The following FGF12 variants were observed in gnomAD, a reference collection of about 807,000 sequenced individuals.
The protein encoded by FGF12 is fibroblast growth factor 12B.
In FGF12, 14 loss-of-function variants were observed where a neutral mutation model predicts 23.6. The ratio of observed to expected loss-of-function variants is 0.59; its 90% CI spans 0.39 to 0.93. The LOEUF (loss-of-function observed/expected upper bound fraction) is 0.93. Ranked by LOEUF, FGF12 falls within the 40% of genes least tolerant of loss-of-function variation. FGF12 has a pLI of 0.00. For synonymous variants in FGF12, 62 were observed against 77.3 expected (o/e 0.80, Z 1.04); for missense variants, 175 against 217.8 (o/e 0.80, Z 1.24).
intron 2 of FGF12, among the ~76,000 whole-genome samples, chr3:192,496,627 AC>A (rs1237025594): frequency 6.6e-6 from 1 of 152,086 alleles, no homozygotes; most frequent in Non-Finnish European, 1.5e-5. Context: ...CACTGTCCCC[AC>A]TACCTCACTT....
At chr3:192,370,635 G>A (rs896012887) in intron 2 of FGF12, among the ~76,000 whole-genome samples, 2 of 152,150 alleles carry the variant, frequency 1.3e-5, no homozygotes, top group African/African-American at 4.8e-5. Flanking sequence ...GGGAAAATTT[G>A]GAAGGATTTT....
intron 5 of FGF12, among the ~76,000 whole-genome samples, chr3:192,158,363 T>TTTC (rs1553844091): frequency 3.5e-4 from 38 of 108,504 alleles, no homozygotes; most frequent in Middle Eastern, 4.1e-3. Flanking sequence ...TCTTTCTTTC[T>TTTC]TTCTTTCTTT....
rs897267275 is a variant in FGF12 at position 192,409,814 on chromosome 3, C to G, written c.14-49276G>C. Among the ~76,000 whole-genome samples the G allele has an allele frequency of 6.6e-6, 1 of 152,008 alleles. No individual in the cohort carries two copies. Among genetic ancestry groups the G allele is most frequent in the Non-Finnish European group, 1.5e-5 (1 of 67,964 alleles). ...TGGGGCCGGAGGCGGAATCAGGGGC[C>G]GGGGCCAGGAGGCAGGTGCAGGCGG... On this transcript the variant is annotated intron_variant, in intron 2 of 5. Coordinates refer to ENST00000445105, the MANE Select transcript of FGF12 (RefSeq NM_004113.6). The surrounding 1 kb of genome is among the most constrained non-coding windows in gnomAD (Gnocchi z 4.8).
At chr3:192,529,017 G>T (rs1725022764) in intron 2 of FGF12, among the ~76,000 whole-genome samples, 1 of 152,126 alleles carries the variant, frequency 6.6e-6, no homozygotes, top group Non-Finnish European at 1.5e-5. Flanking sequence ...CATTGTCTTG[G>T]GGAACAGTAT....
chr3:192,727,015 G>A, intron 2 of FGF12, 166 bp downstream of exon 2: 1 of 784,032 alleles, frequency 1.3e-6, no homozygotes. Context: ...TTAAAAAGAA[G>A]TCGCCTTCCT....
At chr3:192,568,934 G>A (rs1277278025) in intron 2 of FGF12, among the ~76,000 whole-genome samples, 2 of 152,228 alleles carry the variant, frequency 1.3e-5, no homozygotes, top group East Asian at 3.9e-4. Context: ...ACTTAAGGGT[G>A]TCCTTCATAA....
At chr3:192,199,126 A>T (rs1717229661) in intron 4 of FGF12, among the ~76,000 whole-genome samples, 2 of 152,220 alleles carry the variant, frequency 1.3e-5, no homozygotes, top group Admixed American at 1.3e-4. Context: ...TGCTAACTAA[A>T]GTTGCAAATG....
At chr3:192,204,027 C>G (rs989099796) in intron 4 of FGF12, among the ~76,000 whole-genome samples, 1 of 152,076 alleles carries the variant, frequency 6.6e-6, no homozygotes, top group East Asian at 1.9e-4. Flanking sequence ...AAAAAAAAAG[C>G]AAATCTGTCC....
intron 2 of FGF12, among the ~76,000 whole-genome samples, chr3:192,598,936 A>G (rs978556345): frequency 6.6e-6 from 1 of 152,166 alleles, no homozygotes; most frequent in Admixed American, 6.6e-5. Context: ...GCAGCCATAA[A>G]AAAGGATGAG....
At chr3:192,222,762 T>C (rs1718540760) in intron 4 of FGF12, among the ~76,000 whole-genome samples, 1 of 152,164 alleles carries the variant, frequency 6.6e-6, no homozygotes, top group South Asian at 2.1e-4. Context: ...GAATGGTAAA[T>C]CTATTCCATC....
rs10049147 is a variant in FGF12 at position 192,526,256 on chromosome 3, C to T, written c.14-165718G>A. Among the ~76,000 whole-genome samples, 600 of 152,214 alleles carry T rather than the reference C, an allele frequency of 3.9e-3. 13 individuals are homozygous for T. The highest frequency in any genetic ancestry group is 0.027 in the East Asian group (141 of 5,180). On this transcript the variant is annotated intron_variant, in intron 2 of 5. Coordinates refer to ENST00000445105, the MANE Select transcript of FGF12 (RefSeq NM_004113.6). ...GGTGCCCTTCTTTGGAGCTTACCTGCGCATATTTCTTAGCACAGAACTTTC... is the reference window on the plus strand; with the variant it reads ...GGTGCCCTTCTTTGGAGCTTACCTGTGCATATTTCTTAGCACAGAACTTTC...
chr3:192,660,984 TA>T (rs137975301), intron 2 of FGF12, among the ~76,000 whole-genome samples: 1,496 of 90,796 alleles, frequency 0.016, 23 homozygotes, highest in African/African-American at 0.051. Context: ...CCTAGTTCTT[TA>T]AAAAAAAAAT....
chr3:192,492,377 TAC>T (rs367953391), intron 2 of FGF12, among the ~76,000 whole-genome samples: 1 of 151,866 alleles, frequency 6.6e-6, no homozygotes, highest in Non-Finnish European at 1.5e-5. Flanking sequence ...AAAAATGACA[TAC>T]ACACACACAC....
At chr3:192,295,610 T>A (rs1218099682) in intron 4 of FGF12, among the ~76,000 whole-genome samples, 1 of 152,216 alleles carries the variant, frequency 6.6e-6, no homozygotes, top group Non-Finnish European at 1.5e-5. Context: ...ACAGCAGGAA[T>A]CCTAATGAAA....
chr3:192,389,626 A>G (rs554824705), intron 2 of FGF12, among the ~76,000 whole-genome samples: 1 of 152,364 alleles, frequency 6.6e-6, no homozygotes, highest in South Asian at 2.1e-4. Flanking sequence ...TCTACTTAAA[A>G]TTATTTTAAA....
In FGF12 at chr3:192,383,520, AAAAAAAAAAAAATCTGATT is replaced by A. The variant is rs1406060050; in HGVS notation, c.14-23001_14-22983del. Among the ~76,000 whole-genome samples the A allele has an allele frequency of 3.9e-3, 136 of 35,256 alleles. 1 individual carries two copies. Among genetic ancestry groups the A allele is most frequent in the African/African-American group, 0.028 (131 of 4,762 alleles). The allele number at this position is 35,256 out of a possible 152,430, so 23.1% of individuals were successfully genotyped here. On this transcript the variant is annotated intron_variant, in intron 2 of 5. Transcript: ENST00000445105. The stretch of plus-strand genomic sequence containing the variant: ...GACATGGTTCCAAGGATTCTGATTT[AAAAAAAAAAAAATCTGATT>A]AAAAAAAAAAAACCTATTGCTATAA...
intron 4 of FGF12, among the ~76,000 whole-genome samples, chr3:192,217,112 C>T (rs762880210): frequency 5.9e-5 from 9 of 152,142 alleles, no homozygotes; most frequent in South Asian, 2.1e-4. Flanking sequence ...CCCACCCAGC[C>T]GATAACTAGC....
At chr3:192,192,528 C>G (rs1004658881) in intron 4 of FGF12, among the ~76,000 whole-genome samples, 1 of 149,046 alleles carries the variant, frequency 6.7e-6, no homozygotes, top group African/African-American at 2.4e-5. Context: ...TATACACACA[C>G]AGTGGGGCAG....
Position 192,141,127 on chromosome 3 carries a change from C to CAAAAAAAAAAAAAAAAAAAAAA in FGF12, c.*2881_*2882insTTTTTTTTTTTTTTTTTTTTTT, listed in dbSNP as rs1396299359. Reference sequence around the variant, plus strand: ...TCCTGGGAAAAATCCCAATGCAACTCCAAAAAAAAAAAAAAAAAAAAAAAA... The same window carrying CAAAAAAAAAAAAAAAAAAAAAA: ...TCCTGGGAAAAATCCCAATGCAACTCAAAAAAAAAAAAAAAAAAAAAACAAAAAAAAAAAAAAAAAAAAAAAA... On this transcript the variant is annotated 3_prime_UTR_variant, in exon 6 of 6. Transcript: ENST00000445105. 0.01 allele frequency: 229 copies of CAAAAAAAAAAAAAAAAAAAAAA among 21,828 alleles called. 24 individuals carry two copies. The highest frequency in any genetic ancestry group is 0.013 in the African/African-American group (62 of 4,610). 1.4% of individuals were successfully genotyped at this position (21,828 alleles called of 1,614,324 possible).
Sources: gnomAD v4.1 joint callset for allele counts (sites outside exome capture counted in the v4.1 genomes callset) on GRCh38, gnomAD v4.1.1 for gene constraint, Gnocchi (gnomAD v3.1) non-coding constraint, MANE v1.5 for transcripts, NCBI Gene and HGNC (gene_info 2026-07-23, HGNC 2026-07-21) for gene names.